Variants in SMAD3 observed in about 807,000 individuals in gnomAD.
SMAD3 encodes the protein SMAD family member 3.
Under a neutral mutation model 51.8 loss-of-function variants are expected in SMAD3, and 12 were observed. That is an observed-to-expected ratio of 0.23 (90% CI 0.15 to 0.38). SMAD3 has a LOEUF of 0.38. Among genes scored for constraint, SMAD3 ranks in the 10% least tolerant of loss-of-function variants. SMAD3 has a pLI of 1.00. For missense variants in SMAD3, 294 were observed against 565.6 expected (o/e 0.52, Z 4.87); for synonymous variants, 238 against 227.7 (o/e 1.05, Z -0.41).
At chr15:67,132,727 GTGCCTTGCTTAAC>G (rs550334904) in intron 1 of SMAD3, among the ~76,000 whole-genome samples, 7 of 152,260 alleles carry the variant, frequency 4.6e-5, no homozygotes, top group Admixed American at 4.6e-4. Flanking sequence ...ATTGAATGAG[GTGCCTTGCTTAAC>G]TGTACTGAAT....
intron 1 of SMAD3, among the ~76,000 whole-genome samples, chr15:67,102,379 T>C (rs1960781205): frequency 6.6e-6 from 1 of 152,160 alleles, no homozygotes; most frequent in Non-Finnish European, 1.5e-5. Flanking sequence ...TTGAAACTTG[T>C]TATGTTCATA....
At chr15:67,100,628 A>C (rs555308955) in intron 1 of SMAD3, among the ~76,000 whole-genome samples, 6 of 152,136 alleles carry the variant, frequency 3.9e-5, no homozygotes, top group Admixed American at 6.6e-5. Flanking sequence ...TGTGATAAAC[A>C]TATAAATTGA....
At chr15:67,124,041 G>A (rs180923177) in intron 1 of SMAD3, among the ~76,000 whole-genome samples, 1 of 152,294 alleles carries the variant, frequency 6.6e-6, no homozygotes, top group Admixed American at 6.5e-5. Context: ...AGGCTGGAGT[G>A]CCGTGGTGCA....
intron 1 of SMAD3, among the ~76,000 whole-genome samples, chr15:67,104,829 G>T (rs990301906): frequency 6.6e-6 from 1 of 152,260 alleles, no homozygotes; most frequent in Non-Finnish European, 1.5e-5. Flanking sequence ...GAATGAAGCC[G>T]TTTCCATTAA....
At chr15:67,153,443 C>G (rs564906941) in intron 1 of SMAD3, among the ~76,000 whole-genome samples, 4 of 139,018 alleles carry the variant, frequency 2.9e-5, no homozygotes, top group South Asian at 4.3e-4. Context: ...AAGATCACTC[C>G]GCTGTACTCC....
chr15:67,171,432 C>T (rs527792716), intron 5 of SMAD3, among the ~76,000 whole-genome samples: 17 of 152,200 alleles, frequency 1.1e-4, no homozygotes, highest in African/African-American at 3.9e-4. Flanking sequence ...TGCCAAAGGG[C>T]TTCAAACAAA....
At chr15:67,092,828 C>T (rs912124835) in intron 1 of SMAD3, among the ~76,000 whole-genome samples, 32 of 152,134 alleles carry the variant, frequency 2.1e-4, no homozygotes, top group African/African-American at 7.5e-4. Context: ...GTTGCTGTGA[C>T]GGTTAAATGT....
chr15:67,119,812 T>C (rs1410987432), intron 1 of SMAD3, among the ~76,000 whole-genome samples: 2 of 152,186 alleles, frequency 1.3e-5, no homozygotes, highest in Non-Finnish European at 2.9e-5. Context: ...AATTTTTTTT[T>C]TGGAGACAGA....
At chr15:67,143,796 G>A (rs1442544651) in intron 1 of SMAD3, among the ~76,000 whole-genome samples, 1 of 152,020 alleles carries the variant, frequency 6.6e-6, no homozygotes, top group Non-Finnish European at 1.5e-5. Context: ...GGGCTAGAGT[G>A]CATAGTGTGA....
intron 1 of SMAD3, among the ~76,000 whole-genome samples, chr15:67,094,301 A>T (rs1049109153): frequency 6.6e-6 from 1 of 152,250 alleles, no homozygotes; most frequent in Non-Finnish European, 1.5e-5. Context: ...CCAGAGAACC[A>T]GCTGCTCCTG....
intron 1 of SMAD3, among the ~76,000 whole-genome samples, chr15:67,155,510 T>C (rs985544630): frequency 1.3e-5 from 2 of 152,198 alleles, no homozygotes; most frequent in African/African-American, 4.8e-5. Context: ...GGTGAGCTTA[T>C]AGTTCAAAGG....
intron 1 of SMAD3, among the ~76,000 whole-genome samples, chr15:67,085,155 A>C (rs1353327134): frequency 2.0e-5 from 3 of 152,180 alleles, no homozygotes; most frequent in Admixed American, 6.5e-5. Flanking sequence ...AAGCATTTAG[A>C]GGATGGCCTC....
chr15:67,121,241 G>C (rs944203578), intron 1 of SMAD3, among the ~76,000 whole-genome samples: 9 of 152,172 alleles, frequency 5.9e-5, no homozygotes, highest in African/African-American at 2.2e-4. Context: ...GGATTTCCAC[G>C]CGGCCCCAGT....
intron 1 of SMAD3, among the ~76,000 whole-genome samples, chr15:67,132,496 T>G (rs752830075): frequency 2.2e-4 from 34 of 152,140 alleles, no homozygotes; most frequent in Non-Finnish European, 4.6e-4. Flanking sequence ...ACAGCATTCC[T>G]AAACCCAGCC....
chr15:67,189,100 T>G (rs763503003), intron 8 of SMAD3, among the ~76,000 whole-genome samples: 3 of 152,246 alleles, frequency 2.0e-5, no homozygotes, highest in Non-Finnish European at 4.4e-5. Flanking sequence ...AGCCCTGGCT[T>G]AGCTCATTTA....
At chr15:67,077,769 C>T (rs1049078115) in intron 1 of SMAD3, among the ~76,000 whole-genome samples, 1 of 152,086 alleles carries the variant, frequency 6.6e-6, no homozygotes, top group Non-Finnish European at 1.5e-5. Context: ...GACCAGACTG[C>T]GGAAGGGCCT....
rs1963377313 is a variant in SMAD3 at position 67,191,928 on chromosome 15, A to T, written c.*1392A>T. On this transcript the variant is annotated 3_prime_UTR_variant, in exon 9 of 9. Coordinates refer to ENST00000327367, the MANE Select transcript of SMAD3 (RefSeq NM_005902.4). ...ATTAGGGAGAAAACTAGTCTAAATT[A>T]TTTCAACTGGAAAAAAGAAAAAAGA... 2 of 228,088 alleles carry T rather than the reference A, an allele frequency of 8.8e-6. No individual in the cohort carries two copies. The highest frequency in any genetic ancestry group is 1.3e-4 in the East Asian group (2 of 15,914). The allele number at this position is 228,088 out of a possible 1,614,324, so 14.1% of individuals were successfully genotyped here. A position where few individuals can be genotyped will look rare whatever the true frequency, so the allele number is the denominator to read the frequency against.
intron 1 of SMAD3, chr15:67,142,803 T>G: frequency 2.2e-6 from 1 of 449,434 alleles, no homozygotes. Context: ...AGGCTTGTGA[T>G]GTTTGTGATA....
intron 1 of SMAD3, among the ~76,000 whole-genome samples, chr15:67,079,439 G>T (rs548942463): frequency 2.0e-5 from 3 of 152,068 alleles, no homozygotes; most frequent in Non-Finnish European, 4.4e-5. Flanking sequence ...ATATGAGCTC[G>T]GGGCACATAG....
Sources: gnomAD v4.1 joint callset for allele counts (sites outside exome capture counted in the v4.1 genomes callset) on GRCh38, gnomAD v4.1.1 for gene constraint, MANE v1.5 for transcripts, NCBI Gene and HGNC (gene_info 2026-07-23, HGNC 2026-07-21) for gene names.